DOCK3: variants seen among roughly 807,000 people sequenced by gnomAD.
The protein encoded by DOCK3 is dedicator of cytokinesis 3, also known as dedicator of cytokinesis protein 3.
A neutral mutation model predicts 265.6 loss-of-function variants in DOCK3; 60 were observed. The ratio of observed to expected loss-of-function variants is 0.23; its 90% CI spans 0.18 to 0.28. The LOEUF is 0.28. DOCK3 is among the 10% of genes least tolerant of loss of function. The pLI, the probability that DOCK3 is intolerant of heterozygous loss-of-function variation, is 1.00. For missense variants in DOCK3, 1,981 were observed against 2,594.3 expected, an observed-to-expected ratio of 0.76 and a Z score of 5.14; for synonymous variants, 881 against 938.0, an observed-to-expected ratio of 0.94 and a Z score of 1.11.
chr3:51,211,411 A>G (rs1357795490), intron 13 of DOCK3, among the ~76,000 whole-genome samples: 1 of 151,806 alleles, frequency 6.6e-6, no homozygotes, highest in Non-Finnish European at 1.5e-5. Flanking sequence ...GTACATGTGC[A>G]CAACCTGCAG....
chr3:51,199,732 C>A (rs1202743959), intron 12 of DOCK3, among the ~76,000 whole-genome samples: 2 of 152,222 alleles, frequency 1.3e-5, no homozygotes, highest in Non-Finnish European at 2.9e-5. Flanking sequence ...GGGCAGACTG[C>A]CTCCTCAAGT....
intron 2 of DOCK3, among the ~76,000 whole-genome samples, chr3:50,829,658 C>G (rs1197709351): frequency 6.6e-6 from 1 of 152,074 alleles, no homozygotes; most frequent in Non-Finnish European, 1.5e-5. Flanking sequence ...GAAGTTCTGT[C>G]GAGGATAGTT....
intron 51 of DOCK3, chr3:51,379,343 G>A: frequency 1.0e-6 from 1 of 969,126 alleles, no homozygotes; most frequent in Non-Finnish European, 1.2e-6. Flanking sequence ...TGCCCCACAT[G>A]TGTGCTGGAT....
intron 2 of DOCK3, among the ~76,000 whole-genome samples, chr3:50,789,715 A>G (rs889619261): frequency 6.6e-6 from 1 of 151,906 alleles, no homozygotes; most frequent in Non-Finnish European, 1.5e-5. Context: ...ACTAGTTTTT[A>G]AATCTTTTTT....
At chr3:50,783,132 A>G (rs1044853891) in intron 2 of DOCK3, among the ~76,000 whole-genome samples, 8 of 152,126 alleles carry the variant, frequency 5.3e-5, no homozygotes, top group African/African-American at 1.7e-4. Context: ...GTGCTGCTAT[A>G]AACATGCGTG....
intron 4 of DOCK3, among the ~76,000 whole-genome samples, chr3:50,909,535 C>T (rs2049743413): frequency 1.3e-5 from 2 of 151,282 alleles, no homozygotes; most frequent in Admixed American, 6.6e-5. Flanking sequence ...TGAATATTGG[C>T]TTCCAATCTC....
In DOCK3 at chr3:51,006,769, C is replaced by A. The variant is rs2078692276; in HGVS notation, c.316-57679C>A. 2.0e-5 allele frequency among the ~76,000 whole-genome samples: 3 copies of A among 152,154 alleles called. No individual in the cohort carries two copies. In the South Asian group the frequency reaches 6.2e-4, roughly 32 times the overall value. On this transcript the variant is annotated intron_variant, in intron 5 of 52. Coordinates refer to ENST00000266037, the MANE Select transcript of DOCK3 (RefSeq NM_004947.5). ...GGTATTTCTCCTAGTGCTCTCCCTC[C>A]CTGCTCCCCCTACCCCACAACAGGC...
intron 4 of DOCK3, among the ~76,000 whole-genome samples, chr3:50,894,903 G>A (rs1057463043): frequency 5.3e-5 from 8 of 152,066 alleles, no homozygotes; most frequent in African/African-American, 9.7e-5. Flanking sequence ...GTTCTTGAGC[G>A]TTAAAACAAT....
intron 12 of DOCK3, among the ~76,000 whole-genome samples, chr3:51,164,009 C>G (rs1245051668): frequency 6.6e-6 from 1 of 152,154 alleles, no homozygotes; most frequent in Non-Finnish European, 1.5e-5. Context: ...ATTATTTTTA[C>G]TCCCACCAGA....
intron 2 of DOCK3, 22 bp from the exon 3 acceptor site, chr3:50,841,653 A>G (rs371324492): frequency 6.2e-5 from 77 of 1,241,918 alleles, no homozygotes; most frequent in Non-Finnish European, 7.9e-5. Context: ...TGATTTTAAT[A>G]TTCTCTTATG....
intron 12 of DOCK3, among the ~76,000 whole-genome samples, chr3:51,161,401 G>GCA (rs2086132233): frequency 6.7e-6 from 1 of 149,714 alleles, no homozygotes; most frequent in African/African-American, 2.5e-5. Context: ...CTGAGATCAT[G>GCA]CCACTGCACT....
chr3:51,169,280 T>G (rs531503994), intron 12 of DOCK3, among the ~76,000 whole-genome samples: 9 of 152,194 alleles, frequency 5.9e-5, no homozygotes, highest in Non-Finnish European at 1.2e-4. Context: ...TAAAGACACA[T>G]GCACATGTAT....
chr3:51,094,960 G>T (rs1159019884), intron 9 of DOCK3, among the ~76,000 whole-genome samples: 1 of 148,718 alleles, frequency 6.7e-6, no homozygotes, highest in Non-Finnish European at 1.5e-5. Context: ...TTGGCTTAAA[G>T]TCTGTTTTAT....
At chr3:51,120,079 G>T (rs1165953147) in intron 9 of DOCK3, among the ~76,000 whole-genome samples, 1 of 152,074 alleles carries the variant, frequency 6.6e-6, no homozygotes, top group Non-Finnish European at 1.5e-5. Flanking sequence ...CTTTGCACTG[G>T]TTTTTCCTCA....
chr3:50,857,882 G>T (rs1269453406), intron 3 of DOCK3, among the ~76,000 whole-genome samples: 2 of 152,162 alleles, frequency 1.3e-5, no homozygotes, highest in African/African-American at 4.8e-5. Flanking sequence ...ATTCTTCAAG[G>T]ATCTAGAACT....
chr3:50,814,636 A>G (rs1363376455), intron 2 of DOCK3, among the ~76,000 whole-genome samples: 2 of 152,152 alleles, frequency 1.3e-5, no homozygotes, highest in African/African-American at 2.4e-5. Context: ...TTTCTGTTCT[A>G]TAATCCAGTC....
At chr3:50,809,046 C>T (rs2106723867) in intron 2 of DOCK3, among the ~76,000 whole-genome samples, 1 of 152,122 alleles carries the variant, frequency 6.6e-6, no homozygotes, top group South Asian at 2.1e-4. Flanking sequence ...TTGGTGTATA[C>T]AAAGATCTTT....
At chr3:50,923,243 C>CT (rs1400787757) in intron 4 of DOCK3, among the ~76,000 whole-genome samples, 2 of 152,252 alleles carry the variant, frequency 1.3e-5, no homozygotes, top group East Asian at 1.9e-4. Flanking sequence ...GTGCAAGCAT[C>CT]TTTTTTTGTA....
chr3:51,312,770 G>T, intron 30 of DOCK3, 74 bp from the exon 31 acceptor site: 1 of 1,471,428 alleles, frequency 6.8e-7, no homozygotes, highest in Non-Finnish European at 9.4e-7. Context: ...TGAAGTCCTG[G>T]CCTCATGGGT....
Sources: allele counts gnomAD v4.1 joint callset (sites outside exome capture counted in the v4.1 genomes callset), GRCh38; gene constraint gnomAD v4.1.1; transcripts MANE v1.5; gene names NCBI Gene and HGNC (gene_info 2026-07-23, HGNC 2026-07-21).